Variants in MGST1 observed in about 807,000 individuals in gnomAD.
MGST1 encodes microsomal glutathione S-transferase 1, also known as glutathione S-transferase 12.
MGST1 carries 5 observed loss-of-function variants against 8.9 expected under a neutral mutation model. That is an observed-to-expected ratio of 0.56 (90% CI 0.29 to 1.19). The LOEUF is 1.19. Among genes scored for constraint, MGST1 ranks in the 50% most tolerant of loss-of-function variants. The probability of loss-of-function intolerance (pLI) is 0.08; values close to 1 mark genes in which losing one functional copy is unlikely to be tolerated. For synonymous variants in MGST1, 54 were observed against 67.8 expected, an observed-to-expected ratio of 0.80 and a Z score of 1.00; for missense variants, 182 against 187.4, an observed-to-expected ratio of 0.97 and a Z score of 0.17.
chr12:16,361,133 A>C lies in MGST1; in HGVS notation c.222-2662A>C, dbSNP rs1489123154. Among the ~76,000 whole-genome samples the C allele has an allele frequency of 1.3e-5, 2 of 152,206 alleles. No homozygotes were observed. The highest frequency in any genetic ancestry group is 2.9e-5 in the Non-Finnish European group (2 of 68,046). On this transcript the variant is annotated intron_variant, in intron 3 of 3. Coordinates refer to ENST00000396210, the MANE Select transcript of MGST1 (RefSeq NM_020300.5). The surrounding 1 kb of genome is among the most constrained non-coding windows in gnomAD (Gnocchi z 4.2). Reference sequence around the variant, plus strand: ...GAGAAAGAGGAGAGAAGTCTCATCAATTTGGGAAAATTCCTTTGTGAGAAT... The same window carrying C: ...GAGAAAGAGGAGAGAAGTCTCATCACTTTGGGAAAATTCCTTTGTGAGAAT...
chr12:16,480,187 G>T (rs1461654250), intron 4 of MGST1, among the ~76,000 whole-genome samples: 1 of 141,838 alleles, frequency 7.1e-6, no homozygotes. Context: ...CTATCACCCA[G>T]GCTGGAATGT....
intron 4 of MGST1, among the ~76,000 whole-genome samples, chr12:16,525,279 A>G (rs1459548365): frequency 7.1e-6 from 1 of 139,968 alleles, no homozygotes; most frequent in Non-Finnish European, 1.6e-5. Context: ...ATATCTCCCA[A>G]TGCTATCCCT....
downstream of MGST1, among the ~76,000 whole-genome samples, chr12:16,381,891 C>T (rs138131096): frequency 1.2e-3 from 188 of 152,292 alleles, 2 homozygotes; most frequent in East Asian, 0.031. Flanking sequence ...TTCATTTCAT[C>T]TTCCATCACT....
At chr12:16,404,077 T>G (rs1004947807) in intron 1 of MGST1, among the ~76,000 whole-genome samples, 4 of 152,206 alleles carry the variant, frequency 2.6e-5, no homozygotes, top group Non-Finnish European at 5.9e-5. Flanking sequence ...TCTTTTCTCC[T>G]TATAATTCAA....
In MGST1 at chr12:16,412,994, A is replaced by T. The variant is rs74778445; in HGVS notation, n.779-24394A>T. Among the ~76,000 whole-genome samples the T allele has an allele frequency of 4.0e-3, 608 of 152,246 alleles. 10 individuals carry two copies. Among genetic ancestry groups the T allele is most frequent in the African/African-American group, 0.014 (586 of 41,546 alleles). On this transcript the variant is annotated intron_variant and non_coding_transcript_variant, in intron 1 of 1. Transcript: ENST00000359720. Reference sequence around the variant, plus strand: ...CTCAGAATGAAGCAGAACATAGATAATATGTCATAATAATAAGCCAGAAAG... The same window carrying T: ...CTCAGAATGAAGCAGAACATAGATATTATGTCATAATAATAAGCCAGAAAG...
At chr12:16,511,537 AG>A (rs1473810700) in intron 4 of MGST1, among the ~76,000 whole-genome samples, 19 of 152,342 alleles carry the variant, frequency 1.2e-4, no homozygotes, top group South Asian at 2.1e-4. Context: ...CTAGTCACAA[AG>A]TGTTAAAAAC....
intron 1 of MGST1, chr12:16,402,079 TA>T (rs1167062987): frequency 6.4e-7 from 1 of 1,556,040 alleles, no homozygotes; most frequent in African/African-American, 1.4e-5. Flanking sequence ...AAGCTATTCT[TA>T]CTACTTTCAT....
At chr12:16,552,815 T>C (rs144766913) in intron 4 of MGST1, among the ~76,000 whole-genome samples, 347 of 152,220 alleles carry the variant, frequency 2.3e-3, no homozygotes, top group Middle Eastern at 0.01. Context: ...TTGTATTAGT[T>C]GTAACCTGTA....
intron 1 of MGST1, among the ~76,000 whole-genome samples, chr12:16,417,586 C>A (rs977263024): frequency 2.6e-5 from 4 of 152,124 alleles, no homozygotes; most frequent in African/African-American, 4.8e-5. Flanking sequence ...ATGAAAGAAT[C>A]CAAGTGTTAT....
At chr12:16,531,599 C>T (rs1941724308) in intron 4 of MGST1, among the ~76,000 whole-genome samples, 2 of 152,074 alleles carry the variant, frequency 1.3e-5, no homozygotes, top group African/African-American at 4.8e-5. Flanking sequence ...GCCTGCATGA[C>T]AGAGTGAGAC....
intron 1 of MGST1, among the ~76,000 whole-genome samples, chr12:16,424,654 C>T (rs1369204519): frequency 6.6e-6 from 1 of 152,186 alleles, no homozygotes; most frequent in East Asian, 1.9e-4. Flanking sequence ...CTCAGTGACA[C>T]TCCAGTTTCA....
chr12:16,476,761 T>G (rs1000320238), intron 4 of MGST1, among the ~76,000 whole-genome samples: 1 of 152,144 alleles, frequency 6.6e-6, no homozygotes, highest in Non-Finnish European at 1.5e-5. Flanking sequence ...TGGAAATATG[T>G]AACTAAAAAA....
At chr12:16,463,134 A>C (rs1302618961) in intron 4 of MGST1, among the ~76,000 whole-genome samples, 1 of 152,142 alleles carries the variant, frequency 6.6e-6, no homozygotes, top group Non-Finnish European at 1.5e-5. Context: ...GGAAAGGCAG[A>C]AAATTAAGAG....
chr12:16,397,623 G>A (rs1940616306), intron 1 of MGST1, among the ~76,000 whole-genome samples: 1 of 151,726 alleles, frequency 6.6e-6, no homozygotes, highest in Non-Finnish European at 1.5e-5. Flanking sequence ...GTGGGCTAAG[G>A]ACATGAATAG....
intron 1 of MGST1, among the ~76,000 whole-genome samples, chr12:16,399,102 G>A (rs1940630351): frequency 6.6e-6 from 1 of 152,146 alleles, no homozygotes; most frequent in African/African-American, 2.4e-5. Flanking sequence ...ACGTGTCCTG[G>A]TGGGCCTGGA....
intron 4 of MGST1, among the ~76,000 whole-genome samples, chr12:16,462,081 A>C (rs1234707302): frequency 2.0e-5 from 3 of 152,184 alleles, no homozygotes; most frequent in African/African-American, 7.2e-5. Flanking sequence ...ACCTGTGATC[A>C]GCAATCACAC....
In MGST1 at chr12:16,353,196, GC is replaced by G. The variant is rs560328960; in HGVS notation, c.-22-1034del. Among the ~76,000 whole-genome samples, 581 of 152,114 alleles carry G rather than the reference GC, an allele frequency of 3.8e-3. 4 individuals carry two copies. The highest frequency in any genetic ancestry group is 4.9e-3 in the Non-Finnish European group (335 of 67,998). On this transcript the variant is annotated intron_variant, in intron 1 of 3. Coordinates refer to ENST00000396210, the MANE Select transcript of MGST1 (RefSeq NM_020300.5). ...CTACAGGCGCCTGCCACCACACCCG[GC>G]TAATTTTTTGTATTTTTAGTAGAGA... is the stretch of plus-strand genomic sequence containing the variant.
chr12:16,573,759 A>ACACAAGG (rs1053879677), intron 4 of MGST1: 7 of 152,244 alleles, frequency 4.6e-5, no homozygotes, highest in Non-Finnish European at 8.8e-5. Flanking sequence ...CAAGGCCGTT[A>ACACAAGG]CACAAGGCAG....
chr12:16,556,243 C>G (rs1942184665), intron 4 of MGST1, among the ~76,000 whole-genome samples: 1 of 152,054 alleles, frequency 6.6e-6, no homozygotes, highest in Non-Finnish European at 1.5e-5. Flanking sequence ...GCTTATTCAC[C>G]TTTAAGAAAT....
Sources: allele counts gnomAD v4.1 joint callset (sites outside exome capture counted in the v4.1 genomes callset), GRCh38; gene constraint gnomAD v4.1.1; non-coding constraint Gnocchi (gnomAD v3.1); transcripts MANE v1.5; gene names NCBI Gene and HGNC (gene_info 2026-07-23, HGNC 2026-07-21).